GTF2IRD2: variants seen among roughly 807,000 people sequenced by gnomAD.
GTF2IRD2 encodes the protein GTF2I repeat domain containing 2.
Under a neutral mutation model 49.2 loss-of-function variants are expected in GTF2IRD2, and 8 were observed. The observed-to-expected ratio is 0.16, with a 90% CI of 0.10 to 0.29. The LOEUF is 0.29. GTF2IRD2 is among the 10% of genes least tolerant of loss of function. GTF2IRD2 has a pLI of 1.00. For synonymous variants in GTF2IRD2, 47 were observed against 289.7 expected, an observed-to-expected ratio of 0.16 and a Z score of 8.51; for missense variants, 130 against 725.7, an observed-to-expected ratio of 0.18 and a Z score of 9.43.
Position 74,803,796 on chromosome 7 carries a change from CAAAACAACAAATTAAA to C in GTF2IRD2, c.1034-331_1034-316del, listed in dbSNP as rs1797656514. On this transcript the variant is annotated intron_variant, in intron 13 of 15. Transcript: ENST00000451013. ...CCCTGCCTCAAAACAAAACACAAAA[CAAAACAACAAATTAAA>C]AAAACAACAACACAAATAAAACTAG... Among the ~76,000 whole-genome samples, 2 of 18,310 alleles carry C rather than the reference CAAAACAACAAATTAAA, an allele frequency of 1.1e-4. 1 individual carries two copies. The highest frequency in any genetic ancestry group is 8.3e-4 in the African/African-American group (2 of 2,400). The allele number at this position is 18,310 out of a possible 152,430, so 12.0% of individuals were successfully genotyped here.
At chr7:74,822,189 C>G (rs801010) in intron 6 of GTF2IRD2, 262,492 of 321,554 alleles carry the variant, frequency 0.82, 115,917 homozygotes, top group East Asian at 0.97. Flanking sequence ...TGGGACTACA[C>G]GCGCCCGCCA....
chr7:74,832,474 GAA>G (rs1799921656), intron 3 of GTF2IRD2, among the ~76,000 whole-genome samples: 2 of 84,892 alleles, frequency 2.4e-5, no homozygotes, highest in African/African-American at 9.6e-5. Context: ...AACAAGCTCT[GAA>G]AAAGTTTTTC....
At chr7:74,826,731 T>TTC (rs1293701454) in intron 3 of GTF2IRD2, among the ~76,000 whole-genome samples, 9 of 95,348 alleles carry the variant, frequency 9.4e-5, no homozygotes, top group African/African-American at 4.5e-4. Context: ...TTTTTTTTTT[T>TTC]GAGAGAGTCT....
chr7:74,839,209 TGA>T (rs1800566458), intron 1 of GTF2IRD2, among the ~76,000 whole-genome samples: 1 of 31,950 alleles, frequency 3.1e-5, no homozygotes, highest in Non-Finnish European at 5.1e-5. Context: ...ATTACAGGTG[TGA>T]GCCACCGCGC....
At chr7:74,830,417 T>C (rs1283531990) in intron 3 of GTF2IRD2, among the ~76,000 whole-genome samples, 1 of 147,800 alleles carries the variant, frequency 6.8e-6, no homozygotes, top group Non-Finnish European at 1.5e-5. Flanking sequence ...GGCAGGAGAA[T>C]GGCTTGAACT....
At chr7:74,836,038 G>A (rs1800282040) in intron 2 of GTF2IRD2, among the ~76,000 whole-genome samples, 1 of 133,084 alleles carries the variant, frequency 7.5e-6, no homozygotes, top group Non-Finnish European at 1.5e-5. Context: ...TATAATCCCA[G>A]CTACCCAGGA....
intron 1 of GTF2IRD2, among the ~76,000 whole-genome samples, chr7:74,841,164 A>G (rs1554421801): frequency 3.6e-5 from 5 of 140,270 alleles, no homozygotes; most frequent in East Asian, 2.0e-4. Context: ...TTATATATAT[A>G]TATGTATTGG....
In GTF2IRD2 at chr7:74,839,136, A is replaced by G. The variant is rs1409196879; in HGVS notation, c.-5-2753T>C. On this transcript the variant is annotated intron_variant, in intron 1 of 15. Transcript: ENST00000451013. The stretch of plus-strand genomic sequence containing the variant: ...GACGGGGTCTCACTATGTTGCCCAG[A>G]CTGGTCTCCAACTCCTGGGCTCAAG... Among the ~76,000 whole-genome samples, 2 of 28,218 alleles carry G rather than the reference A, an allele frequency of 7.1e-5. 1 individual carries two copies. The highest frequency in any genetic ancestry group is 1.2e-4 in the Non-Finnish European group (2 of 17,178). The allele number at this position is 28,218 out of a possible 152,430, so 18.5% of individuals were successfully genotyped here.
Position 74,815,857 on chromosome 7 carries a change from AG to A in GTF2IRD2, c.671-3042del, listed in dbSNP as rs1439074859. On this transcript the variant is annotated intron_variant, in intron 8 of 15. Coordinates refer to ENST00000451013, the MANE Select transcript of GTF2IRD2 (RefSeq NM_173537.5). ...AAGAAAGAAAGAAAGAAAGAAAGAA[AG>A]AAAGAAAGAGAAAATAAATTAAAAC... 7.0e-4 allele frequency among the ~76,000 whole-genome samples: 75 copies of A among 106,768 alleles called. 2 individuals carry two copies. Among genetic ancestry groups the A allele is most frequent in the Non-Finnish European group, 1.0e-3 (52 of 51,102 alleles). 70.0% of individuals were successfully genotyped at this position (106,768 alleles called of 152,430 possible). A position where few individuals can be genotyped will look rare whatever the true frequency, so the allele number is the denominator to read the frequency against.
intron 12 of GTF2IRD2, among the ~76,000 whole-genome samples, chr7:74,806,281 C>A (rs71262182): frequency 1.5e-5 from 2 of 136,728 alleles, no homozygotes; most frequent in South Asian, 2.6e-4. Flanking sequence ...TTTACATACA[C>A]ATATTCAGAA....
intron 6 of GTF2IRD2, chr7:74,820,616 T>TGATACGGCGA: frequency 1.3e-4 from 2 of 15,914 alleles, no homozygotes; most frequent in Non-Finnish European, 1.2e-4. Context: ...TGTCCTGCAA[T>TGATACGGCGA]CCACGCTGTC....
intron 1 of GTF2IRD2, among the ~76,000 whole-genome samples, chr7:74,841,595 G>C (rs1161070384): frequency 7.1e-6 from 1 of 140,746 alleles, no homozygotes; most frequent in African/African-American, 3.0e-5. Context: ...ATCCACACTG[G>C]GATTACAGCT....
chr7:74,836,210 T>C (rs1554421033), intron 2 of GTF2IRD2, 70 bp downstream of exon 2: 7 of 1,565,298 alleles, frequency 4.5e-6, no homozygotes, highest in Non-Finnish European at 5.2e-6. Flanking sequence ...GATACTGAAG[T>C]GTTTCATGAT....
intron 8 of GTF2IRD2, among the ~76,000 whole-genome samples, chr7:74,813,377 CA>C (rs782221011): frequency 0.011 from 66 of 5,898 alleles, 6 homozygotes; most frequent in Non-Finnish European, 0.016. Context: ...GACTCCATCT[CA>C]AAAAAAAAAA....
chr7:74,840,088 T>C (rs1178356234), intron 1 of GTF2IRD2, among the ~76,000 whole-genome samples: 9 of 76,526 alleles, frequency 1.2e-4, no homozygotes, highest in Non-Finnish European at 1.7e-4. Flanking sequence ...TTTTTTTTTT[T>C]TTGAGACGGA....
intron 8 of GTF2IRD2, among the ~76,000 whole-genome samples, chr7:74,813,400 A>G (rs113533859): frequency 0.27 from 10,307 of 38,768 alleles, 4,294 homozygotes; most frequent in African/African-American, 0.77. Flanking sequence ...AAAAAAAAAG[A>G]AAGGAAGGAG....
intron 3 of GTF2IRD2, among the ~76,000 whole-genome samples, chr7:74,827,828 C>T (rs1169125367): frequency 2.5e-5 from 1 of 40,542 alleles, no homozygotes; most frequent in Non-Finnish European, 4.0e-5. Flanking sequence ...TTTTTCCTTT[C>T]CCTTTTTTTT....
rs782600247 is a variant in GTF2IRD2 at position 74,797,457 on chromosome 7, T to G, written c.2055A>C (p.Gly685=). The G allele has an allele frequency of 1.9e-6, 3 of 1,610,496 alleles. No homozygotes were observed. The highest frequency in any genetic ancestry group is 2.5e-6 in the Non-Finnish European group (3 of 1,179,234). The part of the protein sequence containing the change: ...VKSVNWICSR[G]LNHSEFTTLL... ...AGGTTGTGAACTCACTGTGGTTCAG[T>G]CCCCGGGAGCATATCCAGTTCACGG... Residue 685 remains glycine, a synonymous_variant, in exon 16 of 16, where the codon GGA becomes GGC. Coordinates refer to ENST00000451013, the MANE Select transcript of GTF2IRD2 (RefSeq NM_173537.5).
At chr7:74,824,149 G>C (rs1384825091) in intron 4 of GTF2IRD2, among the ~76,000 whole-genome samples, 1 of 133,816 alleles carries the variant, frequency 7.5e-6, no homozygotes, top group Non-Finnish European at 1.6e-5. Context: ...CCGGGCAACA[G>C]AGCGAGACTC....
Sources: allele counts gnomAD v4.1 joint callset (sites outside exome capture counted in the v4.1 genomes callset), GRCh38; gene constraint gnomAD v4.1.1; transcripts MANE v1.5; gene names NCBI Gene and HGNC (gene_info 2026-07-23, HGNC 2026-07-21).